NID2: variants seen among roughly 807,000 people sequenced by gnomAD.
NID2 encodes nidogen-2.
Under a neutral mutation model 145.4 loss-of-function variants are expected in NID2, and 83 were observed. That is an observed-to-expected ratio of 0.57 (90% CI 0.48 to 0.69). The LOEUF (loss-of-function observed/expected upper bound fraction) is 0.69, where lower values mean the gene tolerates loss of function less well. NID2 is among the 30% of genes least tolerant of loss of function. The probability of loss-of-function intolerance (pLI) is 0.00; values close to 1 mark genes in which losing one functional copy is unlikely to be tolerated. For synonymous variants in NID2, 739 were observed against 701.3 expected (o/e 1.05, Z -0.85); for missense variants, 1,807 against 1,765.7 (o/e 1.02, Z -0.42).
chr14:52,064,159 C>A (rs1262803395), intron 2 of NID2, among the ~76,000 whole-genome samples: 4 of 152,146 alleles, frequency 2.6e-5, no homozygotes, highest in African/African-American at 7.2e-5. Flanking sequence ...GAAATCCAAC[C>A]ACCTCCATCA....
At chr14:52,059,987 T>A in intron 3 of NID2, 137 bp downstream of exon 3, 1 of 566,458 alleles carries the variant, frequency 1.8e-6, no homozygotes, top group Non-Finnish European at 3.0e-6. Flanking sequence ...TTGAATCTAG[T>A]TCCTTGGTTT....
intron 12 of NID2, chr14:52,020,410 G>A: frequency 2.0e-6 from 1 of 507,072 alleles, no homozygotes; most frequent in Non-Finnish European, 3.3e-6. Flanking sequence ...AACGTGTTCA[G>A]TGTAGAAATC....
chr14:52,011,787 T>C lies in NID2; in HGVS notation c.3421-104A>G, dbSNP rs1393050196. 7 of 1,344,078 alleles carry C rather than the reference T, an allele frequency of 5.2e-6. No individual in the cohort carries two copies. In the East Asian group the frequency reaches 1.4e-4, roughly 27 times the overall value. 83.3% of individuals were successfully genotyped at this position (1,344,078 alleles called of 1,614,324 possible). Reference sequence around the variant, plus strand: ...ACAGCTGCAGTGAGCAACACTGCACTGTGATCCTGCAGGCAACAGAGCAGA... The same window carrying C: ...ACAGCTGCAGTGAGCAACACTGCACCGTGATCCTGCAGGCAACAGAGCAGA... On this transcript the variant is annotated intron_variant, in intron 16 of 21. Coordinates refer to ENST00000216286, the MANE Select transcript of NID2 (RefSeq NM_007361.4).
At chr14:52,027,919 C>A (rs55874437) in intron 11 of NID2, among the ~76,000 whole-genome samples, 15,240 of 151,912 alleles carry the variant, frequency 0.1, 802 homozygotes, top group Non-Finnish European at 0.11. Flanking sequence ...TCTCATCCAT[C>A]TTTATCAATG....
At chr14:52,043,677 A>T (rs1892368552) in intron 5 of NID2, among the ~76,000 whole-genome samples, 1 of 152,128 alleles carries the variant, frequency 6.6e-6, no homozygotes, top group Admixed American at 6.5e-5. Flanking sequence ...TGTTTCTTCC[A>T]TTTCCTACTT....
At chr14:52,006,436 G>T in intron 20 of NID2, 101 bp downstream of exon 20, 2 of 1,361,778 alleles carry the variant, frequency 1.5e-6, no homozygotes, top group Admixed American at 4.0e-5. Flanking sequence ...GCCTCAGAGG[G>T]CTTAATGAGT....
At chr14:52,041,903 C>G (rs919966402) in intron 7 of NID2, among the ~76,000 whole-genome samples, 1 of 152,188 alleles carries the variant, frequency 6.6e-6, no homozygotes, top group East Asian at 1.9e-4. Flanking sequence ...AACATTTAGA[C>G]GAAATCACTG....
At chr14:52,013,257 C>G (rs61971551) in intron 16 of NID2, among the ~76,000 whole-genome samples, 15,649 of 152,214 alleles carry the variant, frequency 0.1, 1,014 homozygotes, top group East Asian at 0.16. Flanking sequence ...GGGGCATGTT[C>G]AGAAAGGCAA....
intron 16 of NID2, among the ~76,000 whole-genome samples, chr14:52,013,983 G>A (rs376291684): frequency 6.6e-6 from 1 of 152,218 alleles, no homozygotes; most frequent in East Asian, 1.9e-4. Context: ...GTAAGAGTCG[G>A]TCCATTTTCC....
chr14:52,019,209 G>T lies in NID2; in HGVS notation c.2880C>A (p.Ile960=), dbSNP rs1445255877. The change falls in exon 14 of 22, where the codon ATC becomes ATA. Residue 960 remains isoleucine, a synonymous_variant. Transcript: ENST00000216286. ...QYAYPGARFH[I]PQCDEQGNFL... ...AGTTGCCCTGCTCGTCGCATTGGGGGATGTGGAACCGGGCCCCAGGGTAGG... is the reference window on the plus strand; with the variant it reads ...AGTTGCCCTGCTCGTCGCATTGGGGTATGTGGAACCGGGCCCCAGGGTAGG... The T allele has an allele frequency of 1.2e-6, 2 of 1,613,572 alleles. No homozygotes were observed. The highest frequency in any genetic ancestry group is 1.7e-6 in the Non-Finnish European group (2 of 1,179,510).
At chr14:52,008,162 G>T (rs146857113) in intron 18 of NID2, 195 bp from the exon 19 acceptor site, 2 of 468,430 alleles carry the variant, frequency 4.3e-6, no homozygotes, top group Non-Finnish European at 7.4e-6. Flanking sequence ...TATCACTGCC[G>T]ATATTCGGTC....
intron 12 of NID2, among the ~76,000 whole-genome samples, chr14:52,026,171 C>G (rs906153398): frequency 3.9e-5 from 6 of 152,132 alleles, no homozygotes; most frequent in African/African-American, 1.4e-4. Context: ...CCTGCTGAAA[C>G]CAAAGGGGAA....
At chr14:52,064,970 C>G (rs1223288931) in intron 2 of NID2, among the ~76,000 whole-genome samples, 1 of 152,218 alleles carries the variant, frequency 6.6e-6, no homozygotes, top group Non-Finnish European at 1.5e-5. Context: ...CATTAGTCCT[C>G]TATGTCTCCC....
chr14:52,051,303 AG>A (rs1220872799), intron 5 of NID2, among the ~76,000 whole-genome samples: 1 of 152,242 alleles, frequency 6.6e-6, no homozygotes, highest in Non-Finnish European at 1.5e-5. Context: ...TGTATTGGGC[AG>A]GGTGCTTCCC....
rs1224449620 is a variant in NID2, at chr14:52,042,244, A to G, written c.1686T>C (p.Asp562=). 1 of 1,614,180 alleles carries G rather than the reference A, an allele frequency of 6.2e-7. No homozygotes were observed. The highest frequency in any genetic ancestry group is 8.5e-7 in the Non-Finnish European group (1 of 1,180,028). Residue 562 remains aspartate (D), a synonymous_variant, in exon 7 of 22, where the codon GAT becomes GAC. Coordinates refer to ENST00000216286, the MANE Select transcript of NID2 (RefSeq NM_007361.4). The part of the protein sequence containing the change: ...VDLHAYIVGN[D]GRAYTAISHI... ...GGCTGATGGCCGTGTAGGCTCTGCC[A>G]TCATTGCCCACGATATACGCATGCA... is the stretch of plus-strand genomic sequence containing the variant.
At chr14:52,005,886 CATTTACTAGAT>C in intron 20 of NID2, 37 bp from the exon 21 acceptor site, 1 of 1,443,156 alleles carries the variant, frequency 6.9e-7, no homozygotes, top group Non-Finnish European at 9.7e-7. Flanking sequence ...CAGGGACAGT[CATTTACTAGAT>C]AAAGAAGTCA....
chr14:52,053,289 T>C (rs1378017055), intron 5 of NID2, among the ~76,000 whole-genome samples: 1 of 152,230 alleles, frequency 6.6e-6, no homozygotes, highest in African/African-American at 2.4e-5. Context: ...TCATTACACT[T>C]GAGAGCGTAG....
rs1000706591 is a variant in NID2 at position 52,040,715 on chromosome 14, G to A, written c.1962C>T (p.Tyr654=). 27 of 1,614,012 alleles carry A rather than the reference G, an allele frequency of 1.7e-5. No homozygotes were observed. The highest frequency in any genetic ancestry group is 6.7e-5 in the East Asian group (3 of 44,860). The change falls in exon 8 of 22, where the codon TAC becomes TAT. Residue 654 remains tyrosine, a synonymous_variant. Transcript: ENST00000216286. ...TGTGGGCTGTGAAATTTGCTGAGAC[G>A]TAAGGCACCTGGCCTTGAATGTTGG... is the stretch of plus-strand genomic sequence containing the variant. The part of the protein sequence containing the change: ...IKTNIQGQVP[Y]VSANFTAHIS...
chr14:52,029,670 C>T lies in NID2; in HGVS notation c.2278G>A (p.Gly760Arg), dbSNP rs780825761. The T allele has an allele frequency of 1.4e-5, 22 of 1,613,742 alleles. No homozygotes were observed. The highest frequency in any genetic ancestry group is 1.6e-4 in the Middle Eastern group (1 of 6,072). ...PVKEDSDPTP[G>R]NPCYDGSHMC... Reference sequence around the variant, plus strand: ...TGGCTCCCATCATAGCAAGGATTCCCCGGAGTGGGGTCTGAATCCTCTGCA... The same window carrying T: ...TGGCTCCCATCATAGCAAGGATTCCTCGGAGTGGGGTCTGAATCCTCTGCA... Residue 760 changes from glycine (G) to arginine (R), a missense_variant, in exon 10 of 22, where the codon GGG becomes AGG. Physicochemically the swap from Gly to Arg is moderately radical, Grantham distance 125 (BLOSUM62 -2). Coordinates refer to ENST00000216286, the MANE Select transcript of NID2 (RefSeq NM_007361.4).
Sources: gnomAD v4.1 joint callset for allele counts (sites outside exome capture counted in the v4.1 genomes callset) on GRCh38, gnomAD v4.1.1 for gene constraint, MANE v1.5 for transcripts, NCBI Gene and HGNC (gene_info 2026-07-23, HGNC 2026-07-21) for gene names.